The following SMC6 variants were observed in gnomAD, a reference collection of about 807,000 sequenced individuals.
SMC6 encodes structural maintenance of chromosomes protein 6.
A neutral mutation model predicts 142.2 loss-of-function variants in SMC6; 79 were observed. The observed-to-expected ratio is 0.56, with a 90% CI of 0.46 to 0.67. The LOEUF (loss-of-function observed/expected upper bound fraction) is 0.67. SMC6 is among the 30% of genes least tolerant of loss of function. The pLI is 0.00. For synonymous variants in SMC6, 411 were observed against 412.4 expected (o/e 1.00, Z 0.04); for missense variants, 1,072 against 1,284.0 (o/e 0.83, Z 2.52).
chr2:17,749,867 T>C (rs1193873814), intron 2 of SMC6, among the ~76,000 whole-genome samples: 2 of 152,192 alleles, frequency 1.3e-5, no homozygotes, highest in African/African-American at 4.8e-5. Context: ...AGAATTAGAA[T>C]TTAATAAAAA....
chr2:17,752,888 T>C (rs1337729410), intron 2 of SMC6, 90 bp downstream of exon 2: 1 of 282,706 alleles, frequency 3.5e-6, no homozygotes, highest in Non-Finnish European at 5.3e-6. Flanking sequence ...CTACTACTCG[T>C]GACATATGCA....
intron 22 of SMC6, among the ~76,000 whole-genome samples, 193 bp from the exon 23 acceptor site, chr2:17,695,490 A>C (rs1332057866): frequency 2.0e-5 from 3 of 152,194 alleles, no homozygotes; most frequent in Admixed American, 2.0e-4. Flanking sequence ...TAATGACCTC[A>C]AGAGAAAACT....
intron 3 of SMC6, among the ~76,000 whole-genome samples, chr2:17,743,184 G>C (rs966368473): frequency 2.0e-5 from 3 of 151,988 alleles, no homozygotes; most frequent in Admixed American, 2.0e-4. Context: ...CTAAATTTTA[G>C]AATAAAATAT....
At chr2:17,700,495 A>G (rs1415619575) in intron 20 of SMC6, 117 bp from the exon 21 acceptor site, 2 of 696,130 alleles carry the variant, frequency 2.9e-6, no homozygotes, top group Non-Finnish European at 4.4e-6. Flanking sequence ...AAATCAGATC[A>G]AATACAAATA....
At chr2:17,714,720 C>G (rs529088788) in intron 16 of SMC6, 141 bp downstream of exon 16, 2 of 835,108 alleles carry the variant, frequency 2.4e-6, no homozygotes, top group African/African-American at 3.5e-5. Context: ...GAACTAATAC[C>G]TAGACAGAAA....
chr2:17,685,069 G>T (rs1262424874), intron 23 of SMC6, among the ~76,000 whole-genome samples: 1 of 148,954 alleles, frequency 6.7e-6, no homozygotes, highest in Non-Finnish European at 1.5e-5. Flanking sequence ...GGAGAAAAGA[G>T]AAATGTGGAA....
intron 23 of SMC6, among the ~76,000 whole-genome samples, chr2:17,688,119 C>T (rs1318599847): frequency 6.6e-6 from 1 of 151,996 alleles, no homozygotes; most frequent in Non-Finnish European, 1.5e-5. Context: ...GTTTTTAATT[C>T]TGTTAACTGA....
chr2:17,719,193 T>C lies in SMC6; in HGVS notation c.946-970A>G, dbSNP rs1435511551. On this transcript the variant is annotated intron_variant, in intron 11 of 27. Transcript: ENST00000448223. ...CATGAAAGCACCCAAGGACAATGAG[T>C]AGAGGAATTGTTTTTTTAATAAAAA... is the stretch of plus-strand genomic sequence containing the variant. Among the ~76,000 whole-genome samples the C allele has an allele frequency of 3.3e-5, 5 of 151,964 alleles. No individual in the cohort carries two copies. The South Asian group carries it at 6.2e-4, about 19-fold the overall frequency.
At position 17,731,597 on chromosome 2, in the gene SMC6, C is replaced by CGTGTGT. The variant is rs3217290; in HGVS notation, c.481+138_481+143dup. The CGTGTGT allele has an allele frequency of 1.1e-4, 80 of 696,682 alleles. No homozygotes were observed. The East Asian group carries it at 1.2e-3, about 11-fold the overall frequency. 43.2% of individuals were successfully genotyped at this position (696,682 alleles called of 1,614,324 possible). ...AAAACAACCATGTGTAACATATGCA[C>CGTGTGT]GTGTGTGTGTGTGTGTGTATATATA... On this transcript the variant is annotated intron_variant, in intron 6 of 27. Transcript: ENST00000448223.
At chr2:17,744,969 T>C (rs1297198938) in intron 3 of SMC6, among the ~76,000 whole-genome samples, 1 of 152,204 alleles carries the variant, frequency 6.6e-6, no homozygotes, top group East Asian at 1.9e-4. Flanking sequence ...TAGTTGGCTT[T>C]TCCTATCTGC....
At chr2:17,698,430 A>G (rs1197791169) in intron 21 of SMC6, among the ~76,000 whole-genome samples, 1 of 151,990 alleles carries the variant, frequency 6.6e-6, no homozygotes, top group Non-Finnish European at 1.5e-5. Context: ...CATATTTAGA[A>G]TTGCTATGTA....
At chr2:17,697,957 A>C (rs1668089002) in intron 21 of SMC6, among the ~76,000 whole-genome samples, 1 of 152,108 alleles carries the variant, frequency 6.6e-6, no homozygotes, top group Non-Finnish European at 1.5e-5. Flanking sequence ...CTAGGCAATA[A>C]AAAGTAATAA....
At chr2:17,750,939 A>G (rs1435389652) in intron 2 of SMC6, among the ~76,000 whole-genome samples, 2 of 128,694 alleles carry the variant, frequency 1.6e-5, no homozygotes, top group African/African-American at 5.9e-5. Flanking sequence ...TGAGAGGCAG[A>G]GGTTGCAGTG....
At chr2:17,726,863 T>A (rs7556886) in intron 7 of SMC6, among the ~76,000 whole-genome samples, 1 of 152,002 alleles carries the variant, frequency 6.6e-6, no homozygotes, top group African/African-American at 2.4e-5. Context: ...AAGGAGTCAG[T>A]CACCTCGGGT....
At chr2:17,666,278 C>T (rs555438717) in intron 27 of SMC6, 142 bp downstream of exon 27, 2 of 578,806 alleles carry the variant, frequency 3.5e-6, no homozygotes, top group Admixed American at 3.0e-5. Flanking sequence ...AAAAACATCC[C>T]AAATCTCCTG....
chr2:17,724,952 T>C (rs557927851), intron 9 of SMC6, among the ~76,000 whole-genome samples: 1 of 152,336 alleles, frequency 6.6e-6, no homozygotes, highest in African/African-American at 2.4e-5. Context: ...TAAACTACCA[T>C]ACCTTATTGT....
chr2:17,694,082 T>G (rs1572277861), intron 23 of SMC6, among the ~76,000 whole-genome samples: 1 of 148,696 alleles, frequency 6.7e-6, no homozygotes, highest in Admixed American at 6.7e-5. Context: ...TTGTATTAAG[T>G]GAAATAAGCC....
chr2:17,740,910 C>A (rs1438834314), intron 4 of SMC6: 1 of 287,252 alleles, frequency 3.5e-6, no homozygotes, highest in Non-Finnish European at 6.8e-6. Flanking sequence ...AAACAAAACT[C>A]TAATTGGTTC....
At chr2:17,720,902 T>C (rs767023342) in intron 11 of SMC6, 38 bp downstream of exon 11, 2 of 1,518,896 alleles carry the variant, frequency 1.3e-6, no homozygotes, top group South Asian at 2.2e-5. Context: ...TTTCATATGA[T>C]TCAACCTATT....
Sources: allele counts gnomAD v4.1 joint callset (sites outside exome capture counted in the v4.1 genomes callset), GRCh38; gene constraint gnomAD v4.1.1; transcripts MANE v1.5; gene names NCBI Gene and HGNC (gene_info 2026-07-23, HGNC 2026-07-21).